AARS1: variants seen among roughly 807,000 people sequenced by gnomAD.
AARS1 encodes the protein alanyl-tRNA synthetase 1, also known as alanine--tRNA ligase, cytoplasmic.
A neutral mutation model predicts 108.9 loss-of-function variants in AARS1; 72 were observed. The ratio of observed to expected loss-of-function variants is 0.66; its 90% CI spans 0.55 to 0.80. The LOEUF is 0.80. Ranked by LOEUF, AARS1 falls within the 30% of genes least tolerant of loss-of-function variation. The pLI is 0.00. For synonymous variants in AARS1, 489 were observed against 465.7 expected (o/e 1.05, Z -0.64); for missense variants, 1,193 against 1,233.2 (o/e 0.97, Z 0.49).
At chr16:70,282,548 G>A in intron 2 of AARS1, 72 bp downstream of exon 2, 1 of 1,576,798 alleles carries the variant, frequency 6.3e-7, no homozygotes, top group Non-Finnish European at 8.7e-7. Context: ...CTGACCCCAG[G>A]GCTGTGCTTT....
chr16:70,253,355 G>C lies in AARS1; in HGVS notation c.2634C>G (p.Phe878Leu), dbSNP rs1316899394. Residue 878 changes from phenylalanine (F) to leucine (L), a missense_variant, in exon 20 of 21, where the codon TTC becomes TTG. Phe to Leu is a conservative substitution (Grantham distance 22). Transcript: ENST00000261772. ...AKALNEALKL[F>L]KMHSPQTSAM... is the part of the protein sequence containing the mutation. ...CAGAAGTCTGAGGGGAGTGCATCTTGAAGAGCTTCAAGGCTTCATTCAGGG... is the reference window on the plus strand; with the variant it reads ...CAGAAGTCTGAGGGGAGTGCATCTTCAAGAGCTTCAAGGCTTCATTCAGGG... 1 of 1,614,138 alleles carries C rather than the reference G, an allele frequency of 6.2e-7. No homozygotes were observed. The highest frequency in any genetic ancestry group is 1.1e-5 in the South Asian group (1 of 91,072).
chr16:70,255,398 G>A (rs1288977449), intron 16 of AARS1, among the ~76,000 whole-genome samples: 1 of 151,942 alleles, frequency 6.6e-6, no homozygotes, highest in African/African-American at 2.4e-5. Flanking sequence ...CAGGGTTTCA[G>A]TATGTTGGTC....
In AARS1 at chr16:70,268,073, CAGG is replaced by C. The variant is rs201716706; in HGVS notation, c.1071+195_1071+197del. Among the ~76,000 whole-genome samples, 1,834 of 152,290 alleles carry C rather than the reference CAGG, an allele frequency of 0.012. 28 individuals carry two copies. The highest frequency in any genetic ancestry group is 0.042 in the African/African-American group (1,727 of 41,572). On this transcript the variant is annotated intron_variant, in intron 8 of 20. Coordinates refer to ENST00000261772, the MANE Select transcript of AARS1 (RefSeq NM_001605.3). ...ATCCCAGCTATTCGGAAGGCTGAGA[CAGG>C]AGAATCGCTTGAACCCAGGAGACAG...
At chr16:70,280,553 A>C (rs1960671567) in intron 2 of AARS1, among the ~76,000 whole-genome samples, 1 of 152,180 alleles carries the variant, frequency 6.6e-6, no homozygotes, top group Admixed American at 6.6e-5. Flanking sequence ...AAGACACCTA[A>C]GAGAAAAGAA....
In AARS1 at chr16:70,265,642, A is replaced by T; in HGVS notation, c.1243T>A (p.Tyr415Asn). The change falls in exon 10 of 21, where the codon TAT (tyrosine) becomes AAT (asparagine). Residue 415 changes from tyrosine (Y) to asparagine (N), a missense_variant. By Grantham distance (143) the Tyr-to-Asn change is moderately radical (BLOSUM62 -2). Transcript: ENST00000261772. ...TCCACTGGAAACCCATAGGTGTCAT[A>T]GAGGAGCCAAGCAGTGTCTCCTACA... Reference protein sequence around the residue: ...TIPGDTAWLLYDTYGFPVDLT... With the variant: ...TIPGDTAWLLNDTYGFPVDLT... 1 of 1,613,954 alleles carries T rather than the reference A, an allele frequency of 6.2e-7. No individual in the cohort carries two copies. Among genetic ancestry groups the T allele is most frequent in the Non-Finnish European group, 8.5e-7 (1 of 1,179,882 alleles).
At chr16:70,274,732 G>C (rs1960495500) in intron 4 of AARS1, among the ~76,000 whole-genome samples, 1 of 150,262 alleles carries the variant, frequency 6.7e-6, no homozygotes, top group African/African-American at 2.5e-5. Flanking sequence ...CTCGGCGGGG[G>C]TGGGGGAGTG....
rs766651955 is a variant in AARS1, at chr16:70,253,963, T to G, written c.2476A>C (p.Met826Leu). The change falls in exon 18 of 21, where the codon ATG (methionine) becomes CTG (leucine). Residue 826 changes from methionine to leucine, a missense_variant. Physicochemically the swap from Met to Leu is conservative, Grantham distance 15 (BLOSUM62 2). Coordinates refer to ENST00000261772, the MANE Select transcript of AARS1 (RefSeq NM_001605.3). ...RETLKSLKKVMDDLDRASKAD... is the reference protein window; with the variant it reads ...RETLKSLKKVLDDLDRASKAD... ...TTGCTGGCTCGGTCCAAGTCATCCA[T>G]GACCTTCTTTAGGGATTTGAGAGTC... 1 of 1,614,206 alleles carries G rather than the reference T, an allele frequency of 6.2e-7. No individual in the cohort carries two copies. The highest frequency in any genetic ancestry group is 8.5e-7 in the Non-Finnish European group (1 of 1,180,038).
At chr16:70,286,972 C>G (rs1244499446) in intron 1 of AARS1, among the ~76,000 whole-genome samples, 1 of 151,648 alleles carries the variant, frequency 6.6e-6, no homozygotes, top group Non-Finnish European at 1.5e-5. Context: ...AAAAATTAGG[C>G]CGGGCGCGGT....
chr16:70,264,998 G>A lies in AARS1; in HGVS notation c.1452C>T (p.Ser484=). 2 of 1,614,108 alleles carry A rather than the reference G, an allele frequency of 1.2e-6. No individual in the cohort carries two copies. The highest frequency in any genetic ancestry group is 1.7e-6 in the Non-Finnish European group (2 of 1,180,022). Residue 484 remains serine, a synonymous_variant, in exon 11 of 21, where the codon TCC becomes TCT. Transcript: ENST00000261772. ...AGTCCAAATGGTAATTGTACTTTGG[G>A]GAATCATCTGTGACCTCCAGACCCC... ...RARGLEVTDD[S]PKYNYHLDSS...
intron 11 of AARS1, among the ~76,000 whole-genome samples, 162 bp from the exon 12 acceptor site, chr16:70,262,686 G>C (rs1048541017): frequency 6.6e-6 from 1 of 152,010 alleles, no homozygotes; most frequent in African/African-American, 2.4e-5. Flanking sequence ...AAAGGGCTTC[G>C]CGGCCGGGCG....
At chr16:70,262,295 C>T (rs371104582) in intron 12 of AARS1, 51 bp downstream of exon 12, 34 of 1,610,492 alleles carry the variant, frequency 2.1e-5, no homozygotes, top group African/African-American at 2.0e-4. Flanking sequence ...AGCAGCTCCC[C>T]GGCTCCACGC....
Position 70,253,367 on chromosome 16 carries a change from G to A in AARS1, c.2622C>T (p.Ala874=), listed in dbSNP as rs1597432428. ...GGGAGTGCATCTTGAAGAGCTTCAA[G>A]GCTTCATTCAGGGCCTGTGGGGAGG... ...SGASAKALNE[A]LKLFKMHSPQ... The change falls in exon 20 of 21, where the codon GCC becomes GCT. Residue 874 remains alanine, a synonymous_variant. Transcript: ENST00000261772. The A allele has an allele frequency of 3.7e-6, 6 of 1,614,030 alleles. No homozygotes were observed. Among genetic ancestry groups the A allele is most frequent in the Non-Finnish European group, 5.1e-6 (6 of 1,179,904 alleles).
At chr16:70,283,371 T>G (rs1020974275) in intron 1 of AARS1, among the ~76,000 whole-genome samples, 1 of 147,744 alleles carries the variant, frequency 6.8e-6, no homozygotes, top group Non-Finnish European at 1.5e-5. Flanking sequence ...CACTCCAGCC[T>G]GGCGACAGAG....
At chr16:70,265,124 A>G (rs779013745) in intron 10 of AARS1, 22 bp from the exon 11 acceptor site, 7 of 1,613,878 alleles carry the variant, frequency 4.3e-6, no homozygotes, top group South Asian at 1.1e-5. Flanking sequence ...AGAAACAAGC[A>G]TAAGTTACCG....
rs1175726083 is a variant in AARS1, at chr16:70,276,612, G to T, written c.353C>A (p.Ala118Asp). ...AAACTCTTGGGTGAGGAGTTCCAGA[G>T]CCATCTTACATGCCAATTCCTACAA... is the stretch of plus-strand genomic sequence containing the variant. ...DYFKELACKMALELLTQEFGI... is the reference protein window; with the variant it reads ...DYFKELACKMDLELLTQEFGI... Residue 118 changes from alanine to aspartate, a missense_variant, in exon 4 of 21, where the codon GCT (alanine) becomes GAT (aspartate). Physicochemically the swap from Ala to Asp is moderately radical, Grantham distance 126. Coordinates refer to ENST00000261772, the MANE Select transcript of AARS1 (RefSeq NM_001605.3). 1 of 1,613,882 alleles carries T rather than the reference G, an allele frequency of 6.2e-7. No individual in the cohort carries two copies. Among genetic ancestry groups the T allele is most frequent in the African/African-American group, 1.3e-5 (1 of 74,904 alleles).
rs758375657 is a variant in AARS1 at position 70,259,181 on chromosome 16, T to C, written c.1791A>G (p.Arg597=). ...TGTGGTTGCTCATGATGGGTCTTCG[T>C]CGGGGCTGGAAAGGGCAGAGGGGCT... ...DQVWLFIDEP[R]RRPIMSNHTA... The change falls in exon 14 of 21, where the codon CGA becomes CGG. Residue 597 remains arginine (R), a synonymous_variant. Coordinates refer to ENST00000261772, the MANE Select transcript of AARS1 (RefSeq NM_001605.3). The C allele has an allele frequency of 1.9e-6, 3 of 1,613,836 alleles. No homozygotes were observed. The South Asian group carries it at 3.3e-5, about 18-fold the overall frequency.
At chr16:70,265,915 G>A (rs534845224) in intron 9 of AARS1, among the ~76,000 whole-genome samples, 21 of 152,034 alleles carry the variant, frequency 1.4e-4, no homozygotes, top group Admixed American at 1.2e-3. Flanking sequence ...ACCGTGGCTC[G>A]CGCCTGTAAT....
chr16:70,259,875 C>T (rs910219743), intron 13 of AARS1, among the ~76,000 whole-genome samples: 2 of 151,672 alleles, frequency 1.3e-5, no homozygotes, highest in Admixed American at 6.6e-5. Flanking sequence ...CGAGTTCAAG[C>T]GATTCTCCTG....
chr16:70,254,672 A>G lies in AARS1; in HGVS notation c.2349T>C (p.Ala783=). The G allele has an allele frequency of 6.2e-7, 1 of 1,614,104 alleles. No individual in the cohort carries two copies. Among genetic ancestry groups the G allele is most frequent in the Non-Finnish European group, 8.5e-7 (1 of 1,179,976 alleles). ...CLSVMEAKVK[A]QTAPNKDVQR... ...GCACATCCTTGTTTGGAGCAGTCTG[A>G]GCCTTCACTTTGGCTTCCATGACAG... Residue 783 remains alanine (A), a synonymous_variant, in exon 17 of 21, where the codon GCT becomes GCC. Transcript: ENST00000261772.
Sources: gnomAD v4.1 joint callset for allele counts (sites outside exome capture counted in the v4.1 genomes callset) on GRCh38, gnomAD v4.1.1 for gene constraint, MANE v1.5 for transcripts, NCBI Gene and HGNC (gene_info 2026-07-23, HGNC 2026-07-21) for gene names.